B3GALT1: variants seen among roughly 807,000 people sequenced by gnomAD.
The protein encoded by B3GALT1 is UDP-Gal:betaGlcNAc beta 1,3-galactosyltransferase, polypeptide 1.
A neutral mutation model predicts 23.2 loss-of-function variants in B3GALT1; 10 were observed. The observed-to-expected ratio is 0.43, with a 90% CI of 0.27 to 0.73. The LOEUF is 0.73. B3GALT1 is among the 30% of genes least tolerant of loss of function. The probability of loss-of-function intolerance (pLI) is 0.21; values close to 1 mark genes in which losing one functional copy is unlikely to be tolerated. For missense variants in B3GALT1, 299 were observed against 405.4 expected, an observed-to-expected ratio of 0.74 and a Z score of 2.25; for synonymous variants, 156 against 141.5, an observed-to-expected ratio of 1.10 and a Z score of -0.73.
rs1053804161 is a variant in B3GALT1, at chr2:167,740,721, A to T, written c.-351-77951A>T. On this transcript the variant is annotated intron_variant, in intron 3 of 4. Transcript: ENST00000392690. The stretch of plus-strand genomic sequence containing the variant: ...TGAAAAGTAAAATATTACTAATTTA[A>T]ATAAGTAATAAAAAATTTCTAGGAA... Among the ~76,000 whole-genome samples the T allele has an allele frequency of 2.6e-5, 4 of 152,342 alleles. No homozygotes were observed. In the East Asian group the frequency reaches 7.7e-4, roughly 29 times the overall value.
intron 2 of B3GALT1, among the ~76,000 whole-genome samples, chr2:167,591,052 T>C (rs1246906025): frequency 6.6e-6 from 1 of 152,148 alleles, no homozygotes; most frequent in East Asian, 1.9e-4. Flanking sequence ...CCAAAATCCT[T>C]GCCTTCTTGG....
intron 4 of B3GALT1, among the ~76,000 whole-genome samples, chr2:167,844,061 A>G (rs1270006203): frequency 6.6e-6 from 1 of 152,238 alleles, no homozygotes; most frequent in Admixed American, 6.5e-5. Context: ...ATAACAGTGG[A>G]GAGATGCTTA....
chr2:167,732,412 C>T (rs1049847762), intron 3 of B3GALT1, among the ~76,000 whole-genome samples: 2 of 152,340 alleles, frequency 1.3e-5, no homozygotes, highest in Non-Finnish European at 2.9e-5. Context: ...CAGACAATTA[C>T]ATTTTTAAAC....
chr2:167,681,637 G>A (rs1324376649), intron 3 of B3GALT1, among the ~76,000 whole-genome samples: 2 of 152,192 alleles, frequency 1.3e-5, no homozygotes, highest in African/African-American at 2.4e-5. Flanking sequence ...CATGCACTAA[G>A]TTTCTCTAGA....
chr2:167,487,032 A>G (rs1699638269), intron 1 of B3GALT1, among the ~76,000 whole-genome samples: 2 of 152,244 alleles, frequency 1.3e-5, no homozygotes, highest in Admixed American at 6.5e-5. Flanking sequence ...AATGTATACA[A>G]ACAGGAACTA....
intron 2 of B3GALT1, among the ~76,000 whole-genome samples, chr2:167,516,457 C>G (rs1700101033): frequency 6.6e-6 from 1 of 152,034 alleles, no homozygotes; most frequent in South Asian, 2.1e-4. Context: ...CAAGATTATA[C>G]TTACCTCTTT....
intron 3 of B3GALT1, among the ~76,000 whole-genome samples, chr2:167,686,140 T>G (rs1686613555): frequency 6.6e-6 from 1 of 152,212 alleles, no homozygotes; most frequent in African/African-American, 2.4e-5. Flanking sequence ...GATAGAAAGA[T>G]TAGATAGTAC....
rs541613240 is a variant in B3GALT1, at chr2:167,528,470, A to G, written c.-410+38193A>G. 5.3e-5 allele frequency among the ~76,000 whole-genome samples: 8 copies of G among 152,200 alleles called. No homozygotes were observed. The East Asian group carries it at 1.5e-3, about 29-fold the overall frequency. On this transcript the variant is annotated intron_variant, in intron 2 of 4. Coordinates refer to ENST00000392690, the MANE Select transcript of B3GALT1 (RefSeq NM_020981.4). ...GTTTATTTCCTGTAAAGCACTTTCCATGACTAGTTGGTGAGGGACCATGTT... is the reference window on the plus strand; with the variant it reads ...GTTTATTTCCTGTAAAGCACTTTCCGTGACTAGTTGGTGAGGGACCATGTT...
At chr2:167,333,507 A>G (rs937990351) in intron 1 of B3GALT1, among the ~76,000 whole-genome samples, 1 of 152,234 alleles carries the variant, frequency 6.6e-6, no homozygotes, top group Non-Finnish European at 1.5e-5. Flanking sequence ...TTGATCGTTG[A>G]ATCATGATTC....
intron 2 of B3GALT1, among the ~76,000 whole-genome samples, chr2:167,559,966 T>G (rs972642435): frequency 1.1e-4 from 16 of 152,036 alleles, no homozygotes; most frequent in African/African-American, 3.6e-4. Flanking sequence ...GCCACAAAGA[T>G]ACTCCTCGAG....
chr2:167,697,531 C>A (rs148384157), intron 3 of B3GALT1, among the ~76,000 whole-genome samples: 1 of 152,168 alleles, frequency 6.6e-6, no homozygotes, highest in East Asian at 1.9e-4. Flanking sequence ...CTTGCTATCA[C>A]TTACAAGGAG....
intron 2 of B3GALT1, among the ~76,000 whole-genome samples, chr2:167,630,493 T>C (rs1685420696): frequency 6.6e-6 from 1 of 151,824 alleles, no homozygotes; most frequent in South Asian, 2.1e-4. Context: ...TAATTATTGT[T>C]ATATTTGACA....
intron 1 of B3GALT1, among the ~76,000 whole-genome samples, chr2:167,364,561 T>A (rs1017970379): frequency 3.3e-5 from 5 of 152,090 alleles, no homozygotes; most frequent in Admixed American, 6.6e-5. Flanking sequence ...ATTGTTCAGT[T>A]CCCACCTATG....
At chr2:167,694,382 C>T (rs1303923630) in intron 3 of B3GALT1, among the ~76,000 whole-genome samples, 1 of 151,786 alleles carries the variant, frequency 6.6e-6, no homozygotes, top group Non-Finnish European at 1.5e-5. Flanking sequence ...TGGCTTATAC[C>T]TCAAGAGAGG....
intron 3 of B3GALT1, among the ~76,000 whole-genome samples, chr2:167,808,209 A>G (rs1173194485): frequency 1.3e-5 from 2 of 149,718 alleles, no homozygotes; most frequent in Non-Finnish European, 3.0e-5. Flanking sequence ...TGCACGTGAG[A>G]TGGGTTTCCT....
At chr2:167,316,770 C>T (rs1360669495) in intron 1 of B3GALT1, among the ~76,000 whole-genome samples, 1 of 152,098 alleles carries the variant, frequency 6.6e-6, no homozygotes, top group African/African-American at 2.4e-5. Context: ...TTCCACTCTT[C>T]TTTATCTTTC....
intron 2 of B3GALT1, among the ~76,000 whole-genome samples, chr2:167,610,835 G>T (rs1045166263): frequency 6.7e-6 from 1 of 149,196 alleles, no homozygotes; most frequent in Non-Finnish European, 1.5e-5. Context: ...AAGGTATTGG[G>T]GGTCATAGGA....
intron 4 of B3GALT1, among the ~76,000 whole-genome samples, chr2:167,842,151 A>G (rs969869901): frequency 6.6e-6 from 1 of 152,210 alleles, no homozygotes; most frequent in African/African-American, 2.4e-5. Context: ...CCAGACAATA[A>G]AAGCCAATGG....
chr2:167,358,551 C>CT (rs915224851), intron 1 of B3GALT1, among the ~76,000 whole-genome samples: 2 of 151,638 alleles, frequency 1.3e-5, no homozygotes, highest in Non-Finnish European at 2.9e-5. Context: ...TAATAATGAA[C>CT]TTTTTTTTAG....
Sources: allele counts gnomAD v4.1 joint callset (sites outside exome capture counted in the v4.1 genomes callset), GRCh38; gene constraint gnomAD v4.1.1; transcripts MANE v1.5; gene names NCBI Gene and HGNC (gene_info 2026-07-23, HGNC 2026-07-21).